The following KPNA3 variants were observed in gnomAD, a reference collection of about 807,000 sequenced individuals.
KPNA3 encodes the protein importin subunit alpha-4.
In KPNA3, 13 loss-of-function variants were observed where a neutral mutation model predicts 73.8. The ratio of observed to expected loss-of-function variants is 0.18; its 90% CI spans 0.11 to 0.28. The LOEUF (loss-of-function observed/expected upper bound fraction) is 0.28. KPNA3 is among the 10% of genes least tolerant of loss of function. KPNA3 has a pLI of 1.00. For synonymous variants in KPNA3, 186 were observed against 206.9 expected (o/e 0.90, Z 0.87); for missense variants, 360 against 618.1 (o/e 0.58, Z 4.43).
intron 1 of KPNA3, among the ~76,000 whole-genome samples, chr13:49,751,131 A>G (rs1335733837): frequency 2.0e-5 from 3 of 152,230 alleles, no homozygotes; most frequent in Non-Finnish European, 4.4e-5. Flanking sequence ...TGGAAGAGAG[A>G]TGGTTTAAAG....
intron 15 of KPNA3, among the ~76,000 whole-genome samples, chr13:49,703,763 T>C (rs1193859865): frequency 1.3e-5 from 2 of 152,204 alleles, no homozygotes; most frequent in Admixed American, 6.5e-5. Context: ...TACATGTTTA[T>C]CAATTTCACA....
chr13:49,780,786 T>G (rs1236555273), intron 1 of KPNA3, among the ~76,000 whole-genome samples: 1 of 150,060 alleles, frequency 6.7e-6, no homozygotes, highest in Non-Finnish European at 1.5e-5. Flanking sequence ...AGTGGTGCAA[T>G]CTCGGCTCAC....
Position 49,734,924 on chromosome 13 carries a change from T to C in KPNA3, c.115-1878A>G, listed in dbSNP as rs200182305. Among the ~76,000 whole-genome samples, 435 of 94,522 alleles carry C rather than the reference T, an allele frequency of 4.6e-3. 2 individuals are homozygous for C. Among genetic ancestry groups the C allele is most frequent in the South Asian group, 0.012 (40 of 3,398 alleles). 62.0% of individuals were successfully genotyped at this position (94,522 alleles called of 152,430 possible). A position where few individuals can be genotyped will look rare whatever the true frequency, so the allele number is the denominator to read the frequency against. ...TTATATATATATATATACACACACA[T>C]ATATATATATATATAGAGAGAGAGA... On this transcript the variant is annotated intron_variant, in intron 2 of 16. Transcript: ENST00000261667.
At chr13:49,733,282 G>GTTTTTT (rs760449062) in intron 2 of KPNA3, among the ~76,000 whole-genome samples, 2,649 of 100,728 alleles carry the variant, frequency 0.026, 71 homozygotes, top group Non-Finnish European at 0.037. Context: ...CCACTGTGGT[G>GTTTTTT]TTTTTTTTTT....
rs1436706898 is a variant in KPNA3 at position 49,732,655 on chromosome 13, A to C, written c.237T>G (p.Asn79Lys). 10 of 1,609,296 alleles carry C rather than the reference A, an allele frequency of 6.2e-6. No individual in the cohort carries two copies. The highest frequency in any genetic ancestry group is 8.5e-6 in the Non-Finnish European group (10 of 1,177,354). ...GGACCACTGGGTTATCACTTGTGGC[A>C]TTCTGCAATACCAAATGTAAATTTC... ...QNVTLEAILQ[N>K]ATSDNPVVQL... Residue 79 changes from asparagine (N) to lysine (K), a missense_variant and splice_region_variant, in exon 5 of 17, where the codon AAT becomes AAG. Coordinates refer to ENST00000261667, the MANE Select transcript of KPNA3 (RefSeq NM_002267.4).
At chr13:49,705,842 G>C (rs78964710) in intron 14 of KPNA3, 59 bp from the exon 15 acceptor site, 25,428 of 1,401,318 alleles carry the variant, frequency 0.018, 305 homozygotes, top group South Asian at 0.027. Context: ...TCCCAGTAGG[G>C]TGTCGTGCTA....
intron 6 of KPNA3, among the ~76,000 whole-genome samples, chr13:49,730,519 C>CAAAAAAAAAAAAAAAAAAAAAAA (rs55725741): frequency 2.2e-4 from 6 of 27,294 alleles, no homozygotes; most frequent in Non-Finnish European, 3.2e-4. Context: ...GACTCTGTCT[C>CAAAAAAAAAAAAAAAAAAAAAAA]AAAAAAAAAA....
At chr13:49,709,748 C>A (rs1436744174) in intron 11 of KPNA3, 48 bp from the exon 12 acceptor site, 1 of 1,558,672 alleles carries the variant, frequency 6.4e-7, no homozygotes, top group Admixed American at 1.9e-5. Context: ...GCTTATAAGA[C>A]TAATTCTATA....
At chr13:49,773,940 C>G (rs1954875654) in intron 1 of KPNA3, among the ~76,000 whole-genome samples, 1 of 152,194 alleles carries the variant, frequency 6.6e-6, no homozygotes, top group Non-Finnish European at 1.5e-5. Flanking sequence ...AGCTCTTGCT[C>G]TGTCACCCAG....
chr13:49,710,400 A>G (rs1454487009), intron 11 of KPNA3, among the ~76,000 whole-genome samples: 1 of 152,188 alleles, frequency 6.6e-6, no homozygotes, highest in Admixed American at 6.5e-5. Context: ...GAAGAAATGC[A>G]ATTAGGTTAT....
At chr13:49,773,530 T>G (rs1954872577) in intron 1 of KPNA3, among the ~76,000 whole-genome samples, 1 of 152,176 alleles carries the variant, frequency 6.6e-6, no homozygotes, top group South Asian at 2.1e-4. Flanking sequence ...GGGCGGCTGA[T>G]AAATATTCCC....
At chr13:49,791,980 C>G (rs868702473) in intron 1 of KPNA3, among the ~76,000 whole-genome samples, 7 of 152,330 alleles carry the variant, frequency 4.6e-5, no homozygotes, top group Middle Eastern at 6.8e-3. Flanking sequence ...CCCGGACCGG[C>G]AGAGCCGAGG....
chr13:49,730,519 CAAAAAAAAAAAAAAAAAAAA>C (rs55725741), intron 6 of KPNA3, among the ~76,000 whole-genome samples: 38 of 27,294 alleles, frequency 1.4e-3, no homozygotes, highest in Admixed American at 2.7e-3. Flanking sequence ...GACTCTGTCT[CAAAAAAAAAAAAAAAAAAAA>C]AAAAAAAAAA....
intron 1 of KPNA3, among the ~76,000 whole-genome samples, chr13:49,749,530 C>A (rs1450192006): frequency 6.6e-6 from 1 of 152,128 alleles, no homozygotes; most frequent in African/African-American, 2.4e-5. Flanking sequence ...TGTGTTCCAT[C>A]CCTTCTTAGA....
chr13:49,734,552 G>A (rs570790136), intron 2 of KPNA3, among the ~76,000 whole-genome samples: 2 of 152,270 alleles, frequency 1.3e-5, no homozygotes, highest in East Asian at 3.9e-4. Flanking sequence ...AAGGAATGTA[G>A]TGTTATTTAA....
Position 49,748,329 on chromosome 13 carries a change from T to C in KPNA3, c.70-1336A>G, listed in dbSNP as rs867232230. Among the ~76,000 whole-genome samples the C allele has an allele frequency of 9.3e-3, 1,409 of 152,252 alleles. 18 individuals are homozygous for C. The highest frequency in any genetic ancestry group is 0.032 in the African/African-American group (1,321 of 41,534). On this transcript the variant is annotated intron_variant, in intron 1 of 16. Transcript: ENST00000261667. ...CAAAAGGTAAGGTATCCTTCTGAGT[T>C]TAAGAGGATCTATCAGGCATGCCTT...
chr13:49,774,051 G>A (rs1547623), intron 1 of KPNA3, among the ~76,000 whole-genome samples: 128,295 of 151,620 alleles, frequency 0.85, 54,508 homozygotes, highest in East Asian at 1. Flanking sequence ...GACCACAGGT[G>A]TGTGCCACTA....
At chr13:49,755,102 T>A (rs1321498565) in intron 1 of KPNA3, among the ~76,000 whole-genome samples, 4 of 151,934 alleles carry the variant, frequency 2.6e-5, no homozygotes, top group Non-Finnish European at 5.9e-5. Context: ...CAGGCCAATA[T>A]TCTCAATGAC....
intron 15 of KPNA3, among the ~76,000 whole-genome samples, chr13:49,703,827 A>C (rs2137529217): frequency 6.6e-6 from 1 of 152,224 alleles, no homozygotes; most frequent in Admixed American, 6.5e-5. Flanking sequence ...AAATAGTTGC[A>C]ATTTTTTCTT....
Sources: gnomAD v4.1 joint callset for allele counts (sites outside exome capture counted in the v4.1 genomes callset) on GRCh38, gnomAD v4.1.1 for gene constraint, MANE v1.5 for transcripts, NCBI Gene and HGNC (gene_info 2026-07-23, HGNC 2026-07-21) for gene names.